Variants in ABCA13 observed in about 807,000 individuals in gnomAD.
ABCA13 encodes the protein ATP binding cassette subfamily A member 13, also known as ATP-binding cassette sub-family A member 13.
ABCA13 carries 476 observed loss-of-function variants against 478.7 expected under a neutral mutation model. That is an observed-to-expected ratio of 0.99 (90% CI 0.92 to 1.07). The LOEUF (loss-of-function observed/expected upper bound fraction) is 1.07, where lower values mean the gene tolerates loss of function less well. Among genes scored for constraint, ABCA13 ranks in the 50% least tolerant of loss-of-function variants. ABCA13 has a pLI of 0.00. For synonymous variants in ABCA13, 2,252 were observed against 2,158.9 expected (o/e 1.04, Z -1.20); for missense variants, 6,060 against 5,910.6 (o/e 1.03, Z -0.83).
intron 45 of ABCA13, among the ~76,000 whole-genome samples, chr7:48,480,118 A>G (rs766551463): frequency 6.6e-6 from 1 of 152,202 alleles, no homozygotes; most frequent in Non-Finnish European, 1.5e-5. Context: ...AATACGTTAG[A>G]TCTCTGAGTT....
chr7:48,453,625 C>T (rs1226747715), intron 42 of ABCA13, among the ~76,000 whole-genome samples: 4 of 152,134 alleles, frequency 2.6e-5, no homozygotes, highest in African/African-American at 9.7e-5. Context: ...CTGTTTTGAT[C>T]TTTAGACTTC....
Position 48,279,526 on chromosome 7 carries a change from G to C in ABCA13, c.8332G>C (p.Val2778Leu). The change falls in exon 18 of 62, where the codon GTT (valine) becomes CTT (leucine). Residue 2778 changes from valine to leucine, a missense_variant. Val to Leu is a conservative substitution (Grantham distance 32). Transcript: ENST00000435803. ...PNNLLKTIET[V>L]LEASSGIKSD... ...TAACCTTTTGAAAACCATAGAAACA[G>C]TTTTAGAGGCCTCCAGTGGAATTAA... is the stretch of plus-strand genomic sequence containing the variant. The C allele has an allele frequency of 4.3e-6, 7 of 1,613,438 alleles. No individual in the cohort carries two copies. Among genetic ancestry groups the C allele is most frequent in the Non-Finnish European group, 5.9e-6 (7 of 1,179,660 alleles).
In ABCA13 at chr7:48,403,772, T is replaced by A. The variant is rs774567574; in HGVS notation, c.11963T>A (p.Ile3988Asn). The change falls in exon 39 of 62, where the codon ATT becomes AAT. Residue 3988 changes from isoleucine (I) to asparagine (N), a missense_variant. By Grantham distance (149) the Ile-to-Asn change is moderately radical (BLOSUM62 -3). Transcript: ENST00000435803. ...GGLKRKLSLG[I>N]AFMGMSRTVV... is the part of the protein sequence containing the mutation. ...CTGAAGAGGAAGCTCTCCCTTGGCA[T>A]TGCTTTCATGGGCATGTCGAGGACC... 2 of 1,613,890 alleles carry A rather than the reference T, an allele frequency of 1.2e-6. No individual in the cohort carries two copies. The highest frequency in any genetic ancestry group is 1.7e-6 in the Non-Finnish European group (2 of 1,179,884).
intron 48 of ABCA13, among the ~76,000 whole-genome samples, chr7:48,498,776 G>C (rs1830490482): frequency 6.6e-6 from 1 of 152,118 alleles, no homozygotes; most frequent in African/African-American, 2.4e-5. Context: ...AATGCCAGGA[G>C]GTAGTTATTT....
intron 35 of ABCA13, among the ~76,000 whole-genome samples, chr7:48,379,224 T>C (rs1813965634): frequency 6.6e-6 from 1 of 152,230 alleles, no homozygotes; most frequent in South Asian, 2.1e-4. Context: ...TTGCATATTC[T>C]TAAATTGCAC....
intron 43 of ABCA13, among the ~76,000 whole-genome samples, chr7:48,466,440 T>C (rs1263612404): frequency 1.3e-5 from 2 of 152,208 alleles, no homozygotes; most frequent in African/African-American, 2.4e-5. Context: ...AGGACCTCTG[T>C]TAAGAAAATG....
chr7:48,201,071 A>G (rs1172385480), intron 3 of ABCA13, among the ~76,000 whole-genome samples: 1 of 146,804 alleles, frequency 6.8e-6, no homozygotes, highest in Non-Finnish European at 1.5e-5. Flanking sequence ...GGCTCCGCCT[A>G]CTTTATTGGT....
intron 27 of ABCA13, among the ~76,000 whole-genome samples, chr7:48,318,398 G>C (rs1395348401): frequency 6.6e-6 from 1 of 152,058 alleles, no homozygotes; most frequent in African/African-American, 2.4e-5. Context: ...ACCCAGGCTG[G>C]AGTGCAGTGG....
intron 38 of ABCA13, among the ~76,000 whole-genome samples, chr7:48,401,486 A>G (rs1817592572): frequency 6.6e-6 from 1 of 152,154 alleles, no homozygotes; most frequent in Non-Finnish European, 1.5e-5. Context: ...CATCTGTAAC[A>G]TTTATCTCAT....
intron 8 of ABCA13, among the ~76,000 whole-genome samples, chr7:48,235,462 A>G (rs1303499620): frequency 6.6e-6 from 1 of 152,260 alleles, no homozygotes; most frequent in Non-Finnish European, 1.5e-5. Context: ...CACTGTGTAT[A>G]TCAACAGAGC....
chr7:48,601,186 C>A (rs1465069443), intron 58 of ABCA13, among the ~76,000 whole-genome samples: 1 of 151,956 alleles, frequency 6.6e-6, no homozygotes, highest in Non-Finnish European at 1.5e-5. Context: ...TCTTCAGAAT[C>A]CCCACTTACT....
intron 55 of ABCA13, among the ~76,000 whole-genome samples, chr7:48,542,343 T>C (rs1203888488): frequency 4.6e-5 from 7 of 151,918 alleles, no homozygotes. Context: ...GAGTAATTCC[T>C]GTTAAAATAA....
chr7:48,274,689 A>G lies in ABCA13; in HGVS notation c.5023A>G (p.Ile1675Val), dbSNP rs747572426. The change falls in exon 17 of 62, where the codon ATA (isoleucine) becomes GTA (valine). Residue 1675 changes from isoleucine (I) to valine (V), a missense_variant. Around this residue, in one of 3 missense-constraint regions of ABCA13, gnomAD observed 4,423 missense variants for 4,309.1 expected, o/e 1.03. Coordinates refer to ENST00000435803, the MANE Select transcript of ABCA13 (RefSeq NM_152701.5). The part of the protein sequence containing the change: ...SVMRTLKKAD[I>V]DLLVDQLEQV... ...CATGCGTACCCTTAAGAAGGCAGACATAGACCTTTTAGTGGATCAGCTTGA... is the reference window on the plus strand; with the variant it reads ...CATGCGTACCCTTAAGAAGGCAGACGTAGACCTTTTAGTGGATCAGCTTGA... 6 of 1,614,018 alleles carry G rather than the reference A, an allele frequency of 3.7e-6. No individual in the cohort carries two copies. The South Asian group carries it at 5.5e-5, about 15-fold the overall frequency.
At chr7:48,310,736 A>G (rs899163539) in intron 24 of ABCA13, among the ~76,000 whole-genome samples, 1 of 152,080 alleles carries the variant, frequency 6.6e-6, no homozygotes, top group African/African-American at 2.4e-5. Flanking sequence ...GAGGGACTGG[A>G]GGAAGCTAAA....
chr7:48,310,668 C>T (rs987635451), intron 24 of ABCA13, among the ~76,000 whole-genome samples: 9 of 152,156 alleles, frequency 5.9e-5, no homozygotes, highest in African/African-American at 2.2e-4. Flanking sequence ...GCCCAATCCC[C>T]TGTGTGTGCC....
At chr7:48,531,723 T>C (rs1041508452) in intron 55 of ABCA13, among the ~76,000 whole-genome samples, 5 of 142,798 alleles carry the variant, frequency 3.5e-5, no homozygotes, top group African/African-American at 1.1e-4. Flanking sequence ...TGTTTAGGTA[T>C]ATTCCTAATT....
At chr7:48,226,047 G>A (rs1024435044) in intron 5 of ABCA13, among the ~76,000 whole-genome samples, 4 of 152,186 alleles carry the variant, frequency 2.6e-5, no homozygotes, top group Non-Finnish European at 5.9e-5. Context: ...GGGCCTGGTA[G>A]GGCCAAAGAG....
At chr7:48,373,450 G>T (rs1459133371) in intron 33 of ABCA13, among the ~76,000 whole-genome samples, 1 of 152,136 alleles carries the variant, frequency 6.6e-6, no homozygotes, top group Non-Finnish European at 1.5e-5. Context: ...AAGCTGTCTG[G>T]TTTCTACTAG....
chr7:48,394,398 C>A (rs1353461686), intron 38 of ABCA13, among the ~76,000 whole-genome samples: 1 of 152,096 alleles, frequency 6.6e-6, no homozygotes, highest in African/African-American at 2.4e-5. Context: ...TGATGGGCTC[C>A]GTGTGTAGCC....
Sources: allele counts gnomAD v4.1 joint callset (sites outside exome capture counted in the v4.1 genomes callset), GRCh38; gene constraint gnomAD v4.1.1; regional missense constraint gnomAD v4.1.1; transcripts MANE v1.5; gene names NCBI Gene and HGNC (gene_info 2026-07-23, HGNC 2026-07-21).